Variants in SEPTIN2 observed in about 807,000 individuals in gnomAD.
SEPTIN2 encodes septin-2.
In SEPTIN2, 34 loss-of-function variants were observed where a neutral mutation model predicts 46.5. The ratio of observed to expected loss-of-function variants is 0.73; its 90% CI spans 0.56 to 0.97. The LOEUF (loss-of-function observed/expected upper bound fraction) is 0.97, where lower values mean the gene tolerates loss of function less well. Ranked by LOEUF, SEPTIN2 falls within the 50% of genes least tolerant of loss-of-function variation. SEPTIN2 has a pLI of 0.00. For synonymous variants in SEPTIN2, 175 were observed against 153.4 expected (o/e 1.14, Z -1.04); for missense variants, 347 against 448.4 (o/e 0.77, Z 2.04).
intron 3 of SEPTIN2, among the ~76,000 whole-genome samples, chr2:241,329,702 A>G (rs998012423): frequency 3.3e-5 from 5 of 152,218 alleles, no homozygotes; most frequent in African/African-American, 7.2e-5. Flanking sequence ...TGATGCGTCT[A>G]CCTTACTGCT....
chr2:241,329,264 A>G (rs2078564772), intron 3 of SEPTIN2, among the ~76,000 whole-genome samples: 3 of 151,878 alleles, frequency 2.0e-5, no homozygotes, highest in Non-Finnish European at 2.9e-5. Context: ...AGCTAAGATT[A>G]CAGGCACCCG....
At chr2:241,321,071 T>C (rs1166684015) in intron 1 of SEPTIN2, among the ~76,000 whole-genome samples, 1 of 152,222 alleles carries the variant, frequency 6.6e-6, no homozygotes, top group Non-Finnish European at 1.5e-5. Flanking sequence ...AAAATGTTTT[T>C]CAAATTTTGT....
intron 1 of SEPTIN2, chr2:241,317,163 A>T (rs929570896): frequency 2.6e-5 from 4 of 152,200 alleles, no homozygotes; most frequent in Admixed American, 1.3e-4. Context: ...GATACTTCTG[A>T]TTTGAGCCTC....
chr2:241,344,771 A>T (rs181667518), intron 9 of SEPTIN2, among the ~76,000 whole-genome samples: 32 of 152,302 alleles, frequency 2.1e-4, no homozygotes, highest in African/African-American at 7.5e-4. Flanking sequence ...TTACTCTTGA[A>T]AAAAGAGGCT....
chr2:241,334,181 A>C (rs534458285), intron 3 of SEPTIN2, among the ~76,000 whole-genome samples: 1 of 152,104 alleles, frequency 6.6e-6, no homozygotes, highest in South Asian at 2.1e-4. Context: ...GCCAGAAATA[A>C]TTTTTCAAAA....
chr2:241,323,210 G>GCCCA (rs2077410836), intron 1 of SEPTIN2, among the ~76,000 whole-genome samples: 1 of 149,640 alleles, frequency 6.7e-6, no homozygotes, highest in African/African-American at 2.5e-5. Context: ...TCACTCTGTT[G>GCCCA]CCCAGGTTGG....
chr2:241,324,533 A>C, intron 2 of SEPTIN2: 1 of 437,614 alleles, frequency 2.3e-6, no homozygotes, highest in African/African-American at 2.0e-5. Flanking sequence ...GACTGCAGAC[A>C]CGTGCCACCA....
intron 3 of SEPTIN2, among the ~76,000 whole-genome samples, chr2:241,327,312 A>G (rs974846712): frequency 6.6e-6 from 1 of 152,010 alleles, no homozygotes; most frequent in African/African-American, 2.4e-5. Context: ...ACTTCTAAAG[A>G]TTAAGATACA....
intron 4 of SEPTIN2, 31 bp from the exon 5 acceptor site, chr2:241,335,944 A>G (rs2079901086): frequency 2.5e-6 from 4 of 1,614,044 alleles, no homozygotes; most frequent in Non-Finnish European, 3.4e-6. Flanking sequence ...CATGCTGCTT[A>G]TATTCCCTAT....
chr2:241,346,546 T>G (rs1454138952), intron 10 of SEPTIN2: 1 of 172,290 alleles, frequency 5.8e-6, no homozygotes, highest in Non-Finnish European at 1.2e-5. Flanking sequence ...CGCAGGAGTT[T>G]TGAGACCATG....
intron 4 of SEPTIN2, 194 bp downstream of exon 4, chr2:241,335,406 G>T: frequency 6.9e-7 from 1 of 1,457,326 alleles, no homozygotes; most frequent in Non-Finnish European, 9.4e-7. Context: ...TCTTTGACAC[G>T]TATCCATGGA....
At chr2:241,349,611 A>G (rs1348308254) in intron 11 of SEPTIN2, among the ~76,000 whole-genome samples, 1 of 152,028 alleles carries the variant, frequency 6.6e-6, no homozygotes, top group East Asian at 1.9e-4. Context: ...TCACGAGGTC[A>G]GGAGTTTGAG....
chr2:241,335,347 A>G, intron 4 of SEPTIN2, 135 bp downstream of exon 4: 1 of 1,552,922 alleles, frequency 6.4e-7, no homozygotes, highest in African/African-American at 1.4e-5. Flanking sequence ...AAACACTTTT[A>G]TGGGGTAGGT....
intron 2 of SEPTIN2, chr2:241,324,663 G>GC: frequency 3.8e-6 from 1 of 264,230 alleles, no homozygotes. Context: ...GGGATTACAG[G>GC]TGTGAGCCAC....
chr2:241,329,070 C>T (rs571025805), intron 3 of SEPTIN2, among the ~76,000 whole-genome samples: 1 of 151,976 alleles, frequency 6.6e-6, no homozygotes, highest in Admixed American at 6.6e-5. Flanking sequence ...GTGTATGTGG[C>T]GGGGAGTAGA....
intron 3 of SEPTIN2, among the ~76,000 whole-genome samples, chr2:241,333,803 G>A (rs992016491): frequency 2.5e-4 from 38 of 152,270 alleles, no homozygotes; most frequent in South Asian, 8.3e-4. Flanking sequence ...GCGCCCGGCT[G>A]TGCGTCTGCA....
At chr2:241,337,546 T>G (rs759511312) in intron 6 of SEPTIN2, 30 bp downstream of exon 6, 4 of 1,610,848 alleles carry the variant, frequency 2.5e-6, no homozygotes, top group Non-Finnish European at 3.4e-6. Flanking sequence ...GGAGAAATGC[T>G]TTACTACATG....
intron 3 of SEPTIN2, among the ~76,000 whole-genome samples, chr2:241,333,114 A>G (rs554559290): frequency 6.6e-6 from 1 of 152,236 alleles, no homozygotes; most frequent in African/African-American, 2.4e-5. Context: ...ATCGTGCCTC[A>G]AAGTGGCTTT....
chr2:241,332,698 A>G (rs2150006937), intron 3 of SEPTIN2, among the ~76,000 whole-genome samples: 1 of 152,370 alleles, frequency 6.6e-6, no homozygotes, highest in African/African-American at 2.4e-5. Flanking sequence ...ACTTTTCTCA[A>G]AATAGCCCCA....
Sources: gnomAD v4.1 joint callset for allele counts (sites outside exome capture counted in the v4.1 genomes callset) on GRCh38, gnomAD v4.1.1 for gene constraint, MANE v1.5 for transcripts, NCBI Gene and HGNC (gene_info 2026-07-23, HGNC 2026-07-21) for gene names.